RNF128: variants seen among roughly 807,000 people sequenced by gnomAD.
The protein encoded by RNF128 is ring finger protein 128.
In RNF128, 13 loss-of-function variants were observed where a neutral mutation model predicts 26.2. The observed-to-expected ratio is 0.50, with a 90% CI of 0.32 to 0.79. RNF128 has a LOEUF of 0.79. Among genes scored for constraint, RNF128 ranks in the 30% least tolerant of loss-of-function variants. The probability of loss-of-function intolerance (pLI) is 0.03; values close to 1 mark genes in which losing one functional copy is unlikely to be tolerated. For missense variants in RNF128, 315 were observed against 349.7 expected, an observed-to-expected ratio of 0.90 and a Z score of 0.79; for synonymous variants, 149 against 142.5, an observed-to-expected ratio of 1.05 and a Z score of -0.32.
chrX:106,712,681 G>A lies in RNF128; in HGVS notation c.406+18273G>A, dbSNP rs927405403. ...AAAATTTTGCTCTTCCCTCTTAACTGAGTTAAAAGTTAAGTAAAAGGGTTA... is the reference window on the plus strand; with the variant it reads ...AAAATTTTGCTCTTCCCTCTTAACTAAGTTAAAAGTTAAGTAAAAGGGTTA... On this transcript the variant is annotated intron_variant, in intron 1 of 6. Coordinates refer to the RNF128 transcript ENST00000324342. Among the ~76,000 whole-genome samples the A allele has an allele frequency of 5.4e-5, 6 of 110,596 alleles. No individual in the cohort carries two copies. The Admixed American group carries it at 5.8e-4, about 11-fold the overall frequency.
intron 1 of RNF128, among the ~76,000 whole-genome samples, chrX:106,737,570 T>A (rs1375458189): frequency 8.9e-6 from 1 of 112,054 alleles, no homozygotes. Flanking sequence ...GAAGAAAGTC[T>A]GTACATGTTC....
chrX:106,789,961 AT>A (rs905998084), intron 4 of RNF128, among the ~76,000 whole-genome samples: 2 of 108,928 alleles, frequency 1.8e-5, no homozygotes, highest in South Asian at 3.9e-4. Flanking sequence ...TACTGAAAAT[AT>A]TTTTTTTTGG....
Position 106,727,256 on chromosome X carries a change from T to C in RNF128, c.343T>C (p.Ser115Pro). The change falls in exon 1 of 7, where the codon TCT (serine) becomes CCT (proline). Residue 115 changes from serine (S) to proline (P), a missense_variant. Ser to Pro is a moderately conservative substitution (Grantham distance 74). Transcript: ENST00000255499. Reference protein sequence around the residue: ...PTVWGSTVQVSWLALIQRGGG... With the variant: ...PTVWGSTVQVPWLALIQRGGG... ...GGTTTGGGGAAGCACCGTGCAAGTC[T>C]CTTGGTTGGCCCTCATCCAACGCGG... The C allele has an allele frequency of 8.3e-7, 1 of 1,211,646 alleles. No individual in the cohort carries two copies. Among genetic ancestry groups the C allele is most frequent in the Non-Finnish European group, 1.1e-6 (1 of 895,413 alleles).
chrX:106,716,693 AGTGAT>A (rs1305712882), intron 1 of RNF128, among the ~76,000 whole-genome samples: 22 of 111,284 alleles, frequency 2.0e-4, no homozygotes, highest in Non-Finnish European at 9.4e-5. Context: ...TTGCACTTCA[AGTGAT>A]GTGCCAGAGC....
At chrX:106,753,086 G>A in intron 1 of RNF128, among the ~76,000 whole-genome samples, 1 of 111,185 alleles carries the variant, frequency 9.0e-6, no homozygotes, top group Non-Finnish European at 1.9e-5. Flanking sequence ...CAAAAGTACA[G>A]ATCTAAGAGT....
chrX:106,745,613 G>A (rs1929782266), intron 1 of RNF128, among the ~76,000 whole-genome samples: 1 of 111,611 alleles, frequency 9.0e-6, no homozygotes, highest in African/African-American at 3.2e-5. Flanking sequence ...GTGAAACACC[G>A]ATATATAATC....
At chrX:106,749,665 G>C (rs1450745579) in intron 1 of RNF128, among the ~76,000 whole-genome samples, 1 of 111,954 alleles carries the variant, frequency 8.9e-6, no homozygotes, top group Admixed American at 9.5e-5. Context: ...CAGCTCTTTA[G>C]GAGGCCATGG....
intron 1 of RNF128, among the ~76,000 whole-genome samples, chrX:106,754,060 A>G (rs2147682802): frequency 8.9e-6 from 1 of 111,936 alleles, no homozygotes; most frequent in African/African-American, 3.2e-5. Flanking sequence ...GAAAATCCAC[A>G]AAGAAATATC....
chrX:106,764,860 C>T (rs1371401500), intron 1 of RNF128, among the ~76,000 whole-genome samples: 1 of 111,887 alleles, frequency 8.9e-6, no homozygotes, highest in Non-Finnish European at 1.9e-5. Flanking sequence ...TATTACTATA[C>T]ATTTTCCTGA....
rs773316137 is a variant in RNF128 at position 106,795,696 on chromosome X, C to T, written c.1270C>T (p.Arg424Ter). The T allele has an allele frequency of 4.6e-5, 55 of 1,190,769 alleles. No individual in the cohort carries two copies. Among genetic ancestry groups the T allele is most frequent in the Non-Finnish European group, 5.4e-5 (48 of 886,348 alleles). Residue 424 changes from arginine to a stop codon, truncating the protein, a stop_gained, in exon 7 of 7, where the codon CGA (arginine) becomes TGA (stop). Transcript: ENST00000255499. LOFTEE classifies it high-confidence loss of function. ...AACTCCTAATCAAGAGACTGCTGTT[C>T]GAGAAATTAAATCTTAAAATCTGTG... is the stretch of plus-strand genomic sequence containing the variant. ...DETPNQETAV[R>*]EIKS
At chrX:106,726,649 A>C (rs1443219388), upstream of RNF128, 3 of 968,863 alleles carry the variant, frequency 3.1e-6, no homozygotes, top group Non-Finnish European at 3.9e-6. Flanking sequence ...CTCTACCCCC[A>C]GTCGGCTGGG....
chrX:106,761,470 C>T (rs770465935), intron 1 of RNF128, among the ~76,000 whole-genome samples: 1 of 111,703 alleles, frequency 9.0e-6, no homozygotes, highest in Admixed American at 9.5e-5. Flanking sequence ...CATAAAGACA[C>T]ATGCACATGT....
At chrX:106,716,252 C>T (rs1304644019) in intron 1 of RNF128, among the ~76,000 whole-genome samples, 1 of 111,933 alleles carries the variant, frequency 8.9e-6, no homozygotes, top group Non-Finnish European at 1.9e-5. Flanking sequence ...CCTCACAGCA[C>T]TTATCTCTCT....
At chrX:106,769,120 T>A (rs1346984029) in intron 1 of RNF128, among the ~76,000 whole-genome samples, 2 of 111,495 alleles carry the variant, frequency 1.8e-5, no homozygotes, top group African/African-American at 6.5e-5. Context: ...TGCTGAGGAG[T>A]GTTTTACTTC....
At chrX:106,699,782 C>T (rs757933869) in intron 1 of RNF128, among the ~76,000 whole-genome samples, 3 of 111,471 alleles carry the variant, frequency 2.7e-5, no homozygotes, top group African/African-American at 6.5e-5. Context: ...CTCTGATCTT[C>T]GGACATTTTC....
Position 106,773,065 on chromosome X carries a change from G to A in RNF128, c.637G>A (p.Val213Met), listed in dbSNP as rs368852768. The A allele has an allele frequency of 7.4e-6, 9 of 1,208,769 alleles. No homozygotes were observed. The African/African-American group carries it at 1.6e-4, about 21-fold the overall frequency. Residue 213 changes from valine to methionine, a missense_variant, in exon 2 of 7, where the codon GTG becomes ATG. Val to Met is a conservative substitution (Grantham distance 21, BLOSUM62 1). Coordinates refer to ENST00000255499, the MANE Select transcript of RNF128 (RefSeq NM_194463.2). ...TCACTATTCAATTTTTTTCGTTTCTGTGTCCTTTTTTATTATTACGGCGGC... is the reference window on the plus strand; with the variant it reads ...TCACTATTCAATTTTTTTCGTTTCTATGTCCTTTTTTATTATTACGGCGGC... The part of the protein sequence containing the change: ...VNHYSIFFVS[V>M]SFFIITAATV...
At chrX:106,716,750 A>G (rs1929223529) in intron 1 of RNF128, among the ~76,000 whole-genome samples, 1 of 111,337 alleles carries the variant, frequency 9.0e-6, no homozygotes, top group East Asian at 2.8e-4. Flanking sequence ...CCCTTCTCTC[A>G]AGAAACTGTC....
intron 1 of RNF128, among the ~76,000 whole-genome samples, chrX:106,766,540 T>C (rs1459817906): frequency 1.8e-5 from 2 of 112,428 alleles, no homozygotes; most frequent in East Asian, 5.6e-4. Context: ...TCATATCCTT[T>C]GCCCACTTTT....
chrX:106,714,658 T>C (rs1264949659), intron 1 of RNF128, among the ~76,000 whole-genome samples: 2 of 111,894 alleles, frequency 1.8e-5, no homozygotes, highest in African/African-American at 6.5e-5. Flanking sequence ...AACGATTCCA[T>C]TGCAACAGAG....
Sources: gnomAD v4.1 joint callset for allele counts (sites outside exome capture counted in the v4.1 genomes callset) on GRCh38, gnomAD v4.1.1 for gene constraint, MANE v1.5 for transcripts, NCBI Gene and HGNC (gene_info 2026-07-23, HGNC 2026-07-21) for gene names.